QTRT1: variants seen among roughly 807,000 people sequenced by gnomAD.
QTRT1 encodes TGT, 43-KD subunit.
A neutral mutation model predicts 44.0 loss-of-function variants in QTRT1; 41 were observed. That is an observed-to-expected ratio of 0.93 (90% confidence interval 0.73 to 1.21). The LOEUF (loss-of-function observed/expected upper bound fraction) is 1.21, where lower values mean the gene tolerates loss of function less well. Among genes scored for constraint, QTRT1 ranks in the 50% most tolerant of loss-of-function variants. The pLI is 0.00. For missense variants in QTRT1, 542 were observed against 575.8 expected, an observed-to-expected ratio of 0.94 and a Z score of 0.60; for synonymous variants, 226 against 237.1, an observed-to-expected ratio of 0.95 and a Z score of 0.43.
intron 5 of QTRT1, chr19:10,710,923 C>CA (rs1174882224): frequency 0.1 from 6,640 of 65,242 alleles, 204 homozygotes; most frequent in Middle Eastern, 0.24. Flanking sequence ...AACTCCATCT[C>CA]AAAAAAAAAA....
intron 5 of QTRT1, chr19:10,709,353 T>A (rs1285632410): frequency 6.6e-6 from 1 of 152,138 alleles, no homozygotes; most frequent in Non-Finnish European, 1.5e-5. Context: ...CCCAGCACTT[T>A]AGGAGGCCAA....
At chr19:10,710,385 C>T (rs189240222) in intron 5 of QTRT1, among the ~76,000 whole-genome samples, 29 of 152,008 alleles carry the variant, frequency 1.9e-4, no homozygotes, top group Admixed American at 5.9e-4. Context: ...GGCACCATCT[C>T]GGCTCACTGC....
rs780862075 is a variant in QTRT1, at chr19:10,713,151, G to A, written c.1093G>A (p.Val365Met). 16 of 1,609,132 alleles carry A rather than the reference G, an allele frequency of 9.9e-6. No individual in the cohort carries two copies. The Admixed American group carries it at 1.0e-4, about 10-fold the overall frequency. ...QLMSAVRTSI[V>M]EKRFPDFVRD... Reference sequence around the variant, plus strand: ...CATGAGCGCCGTCCGCACCAGCATCGTGGAGAAGCGCTTCCCGGACTTCGT... The same window carrying A: ...CATGAGCGCCGTCCGCACCAGCATCATGGAGAAGCGCTTCCCGGACTTCGT... The change falls in exon 10 of 10, where the codon GTG becomes ATG. Residue 365 changes from valine (V) to methionine (M), a missense_variant. Physicochemically the swap from Val to Met is conservative, Grantham distance 21 (BLOSUM62 1). Coordinates refer to ENST00000250237, the MANE Select transcript of QTRT1 (RefSeq NM_031209.3). The surrounding 1 kb of genome is among the most constrained non-coding windows in gnomAD (Gnocchi z 4.3).
intron 3 of QTRT1, among the ~76,000 whole-genome samples, chr19:10,704,776 G>A (rs1236611470): frequency 2.0e-5 from 3 of 151,576 alleles, no homozygotes; most frequent in African/African-American, 4.9e-5. Flanking sequence ...TGGTAGAGAC[G>A]GGGTTTCTCC....
At chr19:10,706,259 C>G (rs1272455860) in intron 3 of QTRT1, among the ~76,000 whole-genome samples, 1 of 152,110 alleles carries the variant, frequency 6.6e-6, no homozygotes, top group Non-Finnish European at 1.5e-5. Flanking sequence ...CTCCTGGGCT[C>G]TAGTGATCCT....
In QTRT1 at chr19:10,707,294, A is replaced by G. The variant is rs199780119; in HGVS notation, c.452-8A>G. Reference sequence around the variant, plus strand: ...TTCCCAGTGATGTTGCCCCCATCTCACCATCAGGCTCGGACATCATCATGC... The same window carrying G: ...TTCCCAGTGATGTTGCCCCCATCTCGCCATCAGGCTCGGACATCATCATGC... On this transcript the variant is annotated splice_region_variant and splice_polypyrimidine_tract_variant and intron_variant, in intron 3 of 9. Coordinates refer to ENST00000250237, the MANE Select transcript of QTRT1 (RefSeq NM_031209.3). The G allele has an allele frequency of 1.0e-4, 161 of 1,614,032 alleles. No individual in the cohort carries two copies. Among genetic ancestry groups the G allele is most frequent in the Non-Finnish European group, 1.9e-5 (22 of 1,179,976 alleles).
chr19:10,710,464 C>G (rs532054471), intron 5 of QTRT1, among the ~76,000 whole-genome samples: 19 of 152,016 alleles, frequency 1.2e-4, no homozygotes, highest in East Asian at 5.9e-4. Context: ...TTACAGGCAC[C>G]AGCCACCACG....
At position 10,712,621 on chromosome 19, in the gene QTRT1, G is replaced by C; in HGVS notation, c.854G>C (p.Arg285Pro). Reference protein sequence around the residue: ...CDMFDCVFPTRTARFGSALVP... With the variant: ...CDMFDCVFPTPTARFGSALVP... ...ATGTTCGACTGCGTCTTCCCCACAC[G>C]GACAGCGGTGAGGCTCTGGCAGAAG... Residue 285 changes from arginine (R) to proline (P), a missense_variant, in exon 7 of 10, where the codon CGG becomes CCG. Arg to Pro is a moderately radical substitution (Grantham distance 103). Coordinates refer to ENST00000250237, the MANE Select transcript of QTRT1 (RefSeq NM_031209.3). The surrounding 1 kb of genome is among the most constrained non-coding windows in gnomAD (Gnocchi z 5.6). The C allele has an allele frequency of 6.2e-7, 1 of 1,612,128 alleles. No homozygotes were observed. The highest frequency in any genetic ancestry group is 8.5e-7 in the Non-Finnish European group (1 of 1,179,332).
At chr19:10,710,442 G>C (rs1419973374) in intron 5 of QTRT1, among the ~76,000 whole-genome samples, 1 of 151,728 alleles carries the variant, frequency 6.6e-6, no homozygotes, top group African/African-American at 2.4e-5. Context: ...TCAGCCTCCC[G>C]AGTAGCTGGG....
chr19:10,705,199 G>A (rs1445888751), intron 3 of QTRT1, among the ~76,000 whole-genome samples: 3 of 150,824 alleles, frequency 2.0e-5, no homozygotes, highest in East Asian at 2.0e-4. Context: ...ACAGGCGTGA[G>A]CCACCGCACC....
At chr19:10,709,848 CAA>C (rs771309919) in intron 5 of QTRT1, among the ~76,000 whole-genome samples, 2 of 119,950 alleles carry the variant, frequency 1.7e-5, no homozygotes. Context: ...GACTCCATCT[CAA>C]AAAAAAAAAA....
At chr19:10,705,453 G>A (rs964600215) in intron 3 of QTRT1, among the ~76,000 whole-genome samples, 3 of 151,704 alleles carry the variant, frequency 2.0e-5, no homozygotes, top group East Asian at 1.9e-4. Flanking sequence ...TGGCCAGGCC[G>A]GTCTCGAACT....
chr19:10,701,615 C>T lies in QTRT1; in HGVS notation c.155C>T (p.Ala52Val), dbSNP rs1278022972. Reference protein sequence around the residue: ...TPVFMPVGTQATMKGITTEQL... With the variant: ...TPVFMPVGTQVTMKGITTEQL... ...GTGTTCATGCCAGTGGGCACGCAGG[C>T]CACCATGAAGGGCATCACGACCGAA... The change falls in exon 1 of 10, where the codon GCC becomes GTC. Residue 52 changes from alanine to valine, a missense_variant. Ala to Val is a moderately conservative substitution (Grantham distance 64). Transcript: ENST00000250237. 1 of 1,606,214 alleles carries T rather than the reference C, an allele frequency of 6.2e-7. No homozygotes were observed. Among genetic ancestry groups the T allele is most frequent in the Non-Finnish European group, 8.5e-7 (1 of 1,177,632 alleles).
At position 10,707,626 on chromosome 19, in the gene QTRT1, G is replaced by A. The variant is rs1285708393; in HGVS notation, c.646+11G>A. On this transcript the variant is annotated intron_variant, in intron 5 of 9. Transcript: ENST00000250237. Reference sequence around the variant, plus strand: ...CCACCTGCCTTGAAGGTAGAGCCATGCGCTGGCAGGCCCAGGGCTTGGCCA... The same window carrying A: ...CCACCTGCCTTGAAGGTAGAGCCATACGCTGGCAGGCCCAGGGCTTGGCCA... 1 of 1,577,038 alleles carries A rather than the reference G, an allele frequency of 6.3e-7. No individual in the cohort carries two copies.
intron 5 of QTRT1, among the ~76,000 whole-genome samples, chr19:10,710,854 C>T (rs958087324): frequency 3.4e-5 from 5 of 146,688 alleles, no homozygotes; most frequent in Admixed American, 7.1e-5. Context: ...ACCCGGGAGG[C>T]GAGGGTTGCA....
rs142691469 is a variant in QTRT1 at position 10,712,379 on chromosome 19, G to A, written c.785+80G>A. The A allele has an allele frequency of 3.6e-4, 552 of 1,537,244 alleles. 3 individuals carry two copies. The Middle Eastern group carries it at 6.2e-3, about 17-fold the overall frequency. ...GACCCCCTACCCTGCTTGGGGAGGT[G>A]GCATTTGGGGGAAACGGACACAGGT... On this transcript the variant is annotated intron_variant, in intron 6 of 9. Coordinates refer to ENST00000250237, the MANE Select transcript of QTRT1 (RefSeq NM_031209.3). This position sits in a 1 kb window ranked among gnomAD's most constrained non-coding sequence, Gnocchi z 5.6.
intron 3 of QTRT1, chr19:10,706,615 C>T (rs914956639): frequency 2.0e-5 from 3 of 150,806 alleles, no homozygotes; most frequent in Non-Finnish European, 4.4e-5. Context: ...TCAAATGATC[C>T]ACCTGGGTTG....
chr19:10,704,629 C>T (rs549213642), intron 3 of QTRT1, among the ~76,000 whole-genome samples: 2 of 151,388 alleles, frequency 1.3e-5, no homozygotes, highest in South Asian at 2.1e-4. Flanking sequence ...CTCTTGTTGC[C>T]CAGGCTGGAG....
intron 1 of QTRT1, 32 bp from the exon 2 acceptor site, chr19:10,701,918 C>A: frequency 6.2e-7 from 1 of 1,612,882 alleles, no homozygotes; most frequent in Non-Finnish European, 8.5e-7. Context: ...ACGCGGTCAC[C>A]CCTAACCTGA....
Sources: allele counts gnomAD v4.1 joint callset (sites outside exome capture counted in the v4.1 genomes callset), GRCh38; gene constraint gnomAD v4.1.1; non-coding constraint Gnocchi (gnomAD v3.1); transcripts MANE v1.5; gene names NCBI Gene and HGNC (gene_info 2026-07-23, HGNC 2026-07-21).